Variants in FAT3 observed in about 807,000 individuals in gnomAD.
The protein encoded by FAT3 is protocadherin Fat 3.
FAT3 carries 95 observed loss-of-function variants against 310.2 expected under a neutral mutation model. The observed-to-expected ratio is 0.31, with a 90% confidence interval of 0.26 to 0.36. The LOEUF (loss-of-function observed/expected upper bound fraction) is 0.36. Among genes scored for constraint, FAT3 ranks in the 10% least tolerant of loss-of-function variants. FAT3 has a pLI of 1.00. For synonymous variants in FAT3, 2,314 were observed against 2,192.9 expected, an observed-to-expected ratio of 1.06 and a Z score of -1.54; for missense variants, 5,408 against 5,715.6, an observed-to-expected ratio of 0.95 and a Z score of 1.74.
chr11:92,797,038 C>G (rs1275575265), intron 9 of FAT3, among the ~76,000 whole-genome samples: 3 of 152,196 alleles, frequency 2.0e-5, no homozygotes, highest in African/African-American at 7.2e-5. Flanking sequence ...AGAAACACCT[C>G]AAATGCTTGG....
chr11:92,679,126 T>C (rs1943386821), intron 3 of FAT3, among the ~76,000 whole-genome samples: 1 of 152,212 alleles, frequency 6.6e-6, no homozygotes, highest in Non-Finnish European at 1.5e-5. Context: ...GCAAGAGACA[T>C]GATTTCATTC....
At chr11:92,808,715 G>T (rs1947578357) in intron 12 of FAT3, among the ~76,000 whole-genome samples, 1 of 152,052 alleles carries the variant, frequency 6.6e-6, no homozygotes, top group South Asian at 2.1e-4. Context: ...CACAAAGTCA[G>T]GAGATCAAGA....
intron 3 of FAT3, among the ~76,000 whole-genome samples, chr11:92,680,842 A>G (rs1943461437): frequency 6.6e-6 from 1 of 152,228 alleles, no homozygotes; most frequent in African/African-American, 2.4e-5. Flanking sequence ...TTAACTGGGC[A>G]GCAGGGAGGC....
At chr11:92,452,861 C>A (rs1164387438) in intron 2 of FAT3, among the ~76,000 whole-genome samples, 1 of 152,142 alleles carries the variant, frequency 6.6e-6, no homozygotes, top group Non-Finnish European at 1.5e-5. Flanking sequence ...CTTCTCCCCA[C>A]AACCTGGTCT....
At chr11:92,343,110 G>A (rs1050310151) in intron 1 of FAT3, among the ~76,000 whole-genome samples, 1 of 152,180 alleles carries the variant, frequency 6.6e-6, no homozygotes. Flanking sequence ...CACTGCCGCT[G>A]TGTGGCTGAA....
rs142425643 is a variant in FAT3, at chr11:92,851,937, A to G, written c.11366-5277A>G. On this transcript the variant is annotated intron_variant, in intron 19 of 27. Transcript: ENST00000525166. ...GGGGTCTTTAAGGCTCTTAACAATAACAGGTGTATACACTTCCTGAAAAGG... is the reference window on the plus strand; with the variant it reads ...GGGGTCTTTAAGGCTCTTAACAATAGCAGGTGTATACACTTCCTGAAAAGG... Among the ~76,000 whole-genome samples the G allele has an allele frequency of 2.8e-3, 419 of 152,304 alleles. 6 individuals are homozygous for G. The highest frequency in any genetic ancestry group is 9.8e-3 in the African/African-American group (408 of 41,554).
chr11:92,459,096 G>T (rs1419182288), intron 2 of FAT3, among the ~76,000 whole-genome samples: 1 of 152,116 alleles, frequency 6.6e-6, no homozygotes, highest in Non-Finnish European at 1.5e-5. Flanking sequence ...TGGCCTGCTG[G>T]GGTGCAATCC....
chr11:92,436,341 T>C (rs1173040676), intron 2 of FAT3, among the ~76,000 whole-genome samples: 1 of 152,076 alleles, frequency 6.6e-6, no homozygotes, highest in Non-Finnish European at 1.5e-5. Context: ...AGGGTTTTGC[T>C]ATGTTTCCCA....
At chr11:92,641,744 C>T (rs778751826) in intron 3 of FAT3, among the ~76,000 whole-genome samples, 161 of 152,362 alleles carry the variant, frequency 1.1e-3, no homozygotes, top group Admixed American at 1.7e-3. Flanking sequence ...TTCACGTATT[C>T]CAAGGGCTAG....
chr11:92,818,952 A>G (rs1270091289), intron 13 of FAT3, among the ~76,000 whole-genome samples: 2 of 152,202 alleles, frequency 1.3e-5, no homozygotes, highest in Non-Finnish European at 2.9e-5. Context: ...AGAATTTTAA[A>G]TGATAATCAT....
chr11:92,296,222 T>A (rs1409068029), intron 1 of FAT3, among the ~76,000 whole-genome samples: 4 of 152,112 alleles, frequency 2.6e-5, no homozygotes, highest in Non-Finnish European at 5.9e-5. Flanking sequence ...AGTACACAGT[T>A]GTAGCTAAGA....
chr11:92,823,625 A>G (rs1253704898), intron 13 of FAT3, among the ~76,000 whole-genome samples: 1 of 152,108 alleles, frequency 6.6e-6, no homozygotes, highest in East Asian at 1.9e-4. Flanking sequence ...AGCCAGCCCA[A>G]TTGGGAAGTC....
At chr11:92,853,187 T>C (rs1948877716) in intron 19 of FAT3, among the ~76,000 whole-genome samples, 1 of 152,176 alleles carries the variant, frequency 6.6e-6, no homozygotes, top group African/African-American at 2.4e-5. Context: ...TGAGCAAGCA[T>C]GGGGTTCGGC....
chr11:92,520,180 C>T (rs1245904952), intron 2 of FAT3, among the ~76,000 whole-genome samples: 3 of 151,992 alleles, frequency 2.0e-5, no homozygotes, highest in Non-Finnish European at 4.4e-5. Flanking sequence ...TATTGTTATA[C>T]ACAAAATAAC....
intron 3 of FAT3, among the ~76,000 whole-genome samples, chr11:92,565,002 C>G (rs536403061): frequency 2.7e-5 from 4 of 145,552 alleles, no homozygotes; most frequent in Admixed American, 7.1e-5. Context: ...CGAACACATT[C>G]AAAAGCTAGC....
chr11:92,437,826 A>G (rs951868254), intron 2 of FAT3, among the ~76,000 whole-genome samples: 2 of 152,204 alleles, frequency 1.3e-5, no homozygotes, highest in African/African-American at 4.8e-5. Context: ...ATGCCAGAAC[A>G]TGGAAAGTAG....
intron 2 of FAT3, among the ~76,000 whole-genome samples, chr11:92,412,352 C>T (rs539029375): frequency 3.9e-4 from 59 of 151,144 alleles, no homozygotes; most frequent in African/African-American, 1.1e-3. Flanking sequence ...CCACCCACCT[C>T]AGCCTCCCAA....
chr11:92,337,363 G>A (rs530832280), intron 1 of FAT3, among the ~76,000 whole-genome samples: 1 of 152,284 alleles, frequency 6.6e-6, no homozygotes, highest in East Asian at 1.9e-4. Flanking sequence ...TGGAAGGATG[G>A]TATTGTTAAG....
chr11:92,745,626 T>C (rs1014222431), intron 4 of FAT3, among the ~76,000 whole-genome samples: 12 of 141,630 alleles, frequency 8.5e-5, no homozygotes, highest in African/African-American at 3.1e-4. Context: ...GGATGGGAAA[T>C]ACTTTATTTC....
Sources: gnomAD v4.1 joint callset for allele counts (sites outside exome capture counted in the v4.1 genomes callset) on GRCh38, gnomAD v4.1.1 for gene constraint, MANE v1.5 for transcripts, NCBI Gene and HGNC (gene_info 2026-07-23, HGNC 2026-07-21) for gene names.